The following KLHDC10 variants were observed in gnomAD, a reference collection of about 807,000 sequenced individuals.
KLHDC10 encodes the protein kelch domain containing 10, also known as kelch domain-containing protein 10.
Under a neutral mutation model 56.1 loss-of-function variants are expected in KLHDC10, and 24 were observed. The observed-to-expected ratio is 0.43, with a 90% confidence interval of 0.31 to 0.60. The LOEUF (loss-of-function observed/expected upper bound fraction) is 0.60, where lower values mean the gene tolerates loss of function less well. KLHDC10 is among the 20% of genes least tolerant of loss of function. The pLI is 0.11. For missense variants in KLHDC10, 349 were observed against 567.0 expected, an observed-to-expected ratio of 0.62 and a Z score of 3.91; for synonymous variants, 188 against 207.1, an observed-to-expected ratio of 0.91 and a Z score of 0.79.
chr7:130,082,533 T>C (rs1584619447), intron 1 of KLHDC10, among the ~76,000 whole-genome samples: 1 of 152,204 alleles, frequency 6.6e-6, no homozygotes, highest in Non-Finnish European at 1.5e-5. Context: ...CTCACAAGGC[T>C]TGCTTATGTT....
At chr7:130,106,622 T>G (rs556153270) in intron 2 of KLHDC10, among the ~76,000 whole-genome samples, 5 of 152,362 alleles carry the variant, frequency 3.3e-5, no homozygotes, top group African/African-American at 1.2e-4. Flanking sequence ...ATGTGTTCAT[T>G]TTGTTACAAT....
At chr7:130,124,070 A>T (rs1427777652) in intron 5 of KLHDC10, among the ~76,000 whole-genome samples, 1 of 152,226 alleles carries the variant, frequency 6.6e-6, no homozygotes, top group African/African-American at 2.4e-5. Context: ...CAAAATACAA[A>T]TTAGCAAAAT....
intron 2 of KLHDC10, among the ~76,000 whole-genome samples, chr7:130,105,628 G>A (rs1182119715): frequency 6.6e-6 from 1 of 152,120 alleles, no homozygotes. Flanking sequence ...AAAGACAACA[G>A]ATTTTTATGA....
At chr7:130,094,184 G>A (rs1324110902) in intron 1 of KLHDC10, among the ~76,000 whole-genome samples, 2 of 152,112 alleles carry the variant, frequency 1.3e-5, no homozygotes, top group African/African-American at 2.4e-5. Context: ...CCTTGGCCTC[G>A]TAAAGCGCTG....
At chr7:130,106,252 T>A (rs568915253) in intron 2 of KLHDC10, among the ~76,000 whole-genome samples, 1 of 152,312 alleles carries the variant, frequency 6.6e-6, no homozygotes, top group African/African-American at 2.4e-5. Context: ...AAAGCAAAGA[T>A]CCTGCCTCAC....
chr7:130,117,088 TAA>T (rs1796178284), intron 3 of KLHDC10, among the ~76,000 whole-genome samples: 1 of 152,230 alleles, frequency 6.6e-6, no homozygotes, highest in Non-Finnish European at 1.5e-5. Flanking sequence ...CTAGTGCATA[TAA>T]AGTTATGTTT....
chr7:130,088,701 G>A (rs1795727721), intron 1 of KLHDC10, among the ~76,000 whole-genome samples: 1 of 146,900 alleles, frequency 6.8e-6, no homozygotes, highest in African/African-American at 2.5e-5. Context: ...GGACTGCAGT[G>A]GCACAATCTC....
chr7:130,125,752 G>A, intron 6 of KLHDC10, 113 bp from the exon 7 acceptor site: 2 of 787,326 alleles, frequency 2.5e-6, no homozygotes, highest in Admixed American at 3.0e-5. Flanking sequence ...CAGTTTTGCT[G>A]TGAACTGAAA....
chr7:130,092,851 C>G (rs187941150), intron 1 of KLHDC10, among the ~76,000 whole-genome samples: 4 of 152,052 alleles, frequency 2.6e-5, no homozygotes, highest in East Asian at 3.9e-4. Flanking sequence ...TTAGTTGACC[C>G]CGAGAGTTGG....
intron 2 of KLHDC10, among the ~76,000 whole-genome samples, chr7:130,108,759 A>T (rs893502604): frequency 2.0e-5 from 3 of 151,556 alleles, no homozygotes; most frequent in African/African-American, 7.3e-5. Flanking sequence ...AGGGAAAAAA[A>T]TGTCTCCTGT....
chr7:130,128,889 A>AAAAAAAAAAATAT, intron 8 of KLHDC10, among the ~76,000 whole-genome samples: 4 of 66,952 alleles, frequency 6.0e-5, no homozygotes, highest in African/African-American at 2.2e-4. Context: ...AAAAAAAAAA[A>AAAAAAAAAAATAT]ATATATATAT....
chr7:130,114,779 G>T (rs574173021), intron 2 of KLHDC10, among the ~76,000 whole-genome samples: 3 of 152,178 alleles, frequency 2.0e-5, no homozygotes, highest in Admixed American at 2.0e-4. Context: ...GAAAAGGGTG[G>T]TGTGCACTAG....
intron 1 of KLHDC10, among the ~76,000 whole-genome samples, chr7:130,096,348 T>G (rs1795847378): frequency 6.6e-6 from 1 of 152,188 alleles, no homozygotes; most frequent in Admixed American, 6.5e-5. Flanking sequence ...GGAAGGCAGA[T>G]GAGCCCCTTC....
intron 8 of KLHDC10, among the ~76,000 whole-genome samples, chr7:130,128,889 A>AAAATATATATATGTATATAT: frequency 1.3e-4 from 9 of 66,958 alleles, no homozygotes; most frequent in African/African-American, 5.9e-4. Context: ...AAAAAAAAAA[A>AAAATATATATATGTATATAT]ATATATATAT....
At chr7:130,128,886 A>AT (rs1394685406) in intron 8 of KLHDC10, among the ~76,000 whole-genome samples, 80 of 99,006 alleles carry the variant, frequency 8.1e-4, no homozygotes, top group African/African-American at 3.0e-3. Context: ...AAAAAAAAAA[A>AT]AAAATATATA....
intron 1 of KLHDC10, among the ~76,000 whole-genome samples, chr7:130,080,882 C>A (rs113377700): frequency 0.013 from 1,965 of 152,194 alleles, 37 homozygotes; most frequent in African/African-American, 0.045. Context: ...TACTCATTAT[C>A]ATTTCTTATT....
At chr7:130,076,014 TG>T (rs150022746) in intron 1 of KLHDC10, among the ~76,000 whole-genome samples, 4,881 of 152,152 alleles carry the variant, frequency 0.032, 111 homozygotes, top group South Asian at 0.093. Flanking sequence ...ACCAGTTTCG[TG>T]GAAGACAATT....
Position 130,120,296 on chromosome 7 carries a change from T to C in KLHDC10, c.476-453T>C, listed in dbSNP as rs60894632. 9.3e-4 allele frequency among the ~76,000 whole-genome samples: 141 copies of C among 152,346 alleles called. No individual in the cohort carries two copies. Among genetic ancestry groups the C allele is most frequent in the African/African-American group, 3.2e-3 (131 of 41,582 alleles). On this transcript the variant is annotated intron_variant, in intron 3 of 9. Coordinates refer to ENST00000335420, the MANE Select transcript of KLHDC10 (RefSeq NM_014997.4). This position sits in a 1 kb window ranked among gnomAD's most constrained non-coding sequence, Gnocchi z 5.1. ...CAGTATTTAGTGAATTCCATAAATA[T>C]GTATTGAATACGTCATATATGCCTA...
chr7:130,103,449 CGTATAAAGGGCATGCCTTTCAT>C (rs975931999), intron 2 of KLHDC10, among the ~76,000 whole-genome samples: 61 of 150,346 alleles, frequency 4.1e-4, no homozygotes, highest in East Asian at 1.2e-3. Context: ...TGAGTTTTCA[CGTATAAAGGGCATGCCTTTCAT>C]GTATAAAGGA....
Sources: gnomAD v4.1 joint callset for allele counts (sites outside exome capture counted in the v4.1 genomes callset) on GRCh38, gnomAD v4.1.1 for gene constraint, Gnocchi (gnomAD v3.1) non-coding constraint, MANE v1.5 for transcripts, NCBI Gene and HGNC (gene_info 2026-07-23, HGNC 2026-07-21) for gene names.